Variants in APP observed in about 807,000 individuals in gnomAD.
The protein encoded by APP is amyloid-beta precursor protein.
APP carries 31 observed loss-of-function variants against 101.4 expected under a neutral mutation model. The ratio of observed to expected loss-of-function variants is 0.31; its 90% CI spans 0.23 to 0.41. The LOEUF is 0.41. APP is among the 10% of genes least tolerant of loss of function. APP has a pLI of 1.00. For missense variants in APP, 839 were observed against 1,003.7 expected (o/e 0.84, Z 2.22); for synonymous variants, 366 against 364.4 (o/e 1.00, Z -0.05).
chr21:26,044,142 T>G (rs969970485), intron 5 of APP, among the ~76,000 whole-genome samples: 1 of 152,228 alleles, frequency 6.6e-6, no homozygotes, highest in Non-Finnish European at 1.5e-5. Context: ...CTGCATCATC[T>G]TTCAAGATGG....
At chr21:25,900,097 CACTT>C (rs1377423244) in intron 15 of APP, among the ~76,000 whole-genome samples, 1 of 152,080 alleles carries the variant, frequency 6.6e-6, no homozygotes, top group African/African-American at 2.4e-5. Flanking sequence ...ACCTTTCTGA[CACTT>C]ATTTTTATAG....
intron 1 of APP, among the ~76,000 whole-genome samples, chr21:26,123,203 T>C (rs780306527): frequency 2.6e-4 from 39 of 152,204 alleles, no homozygotes; most frequent in Non-Finnish European, 5.3e-4. Context: ...GTTTATTTCC[T>C]TTCAAAGTGT....
chr21:25,955,071 A>G (rs2041257505), intron 12 of APP, among the ~76,000 whole-genome samples: 1 of 151,928 alleles, frequency 6.6e-6, no homozygotes, highest in East Asian at 1.9e-4. Context: ...TCATGCCTAA[A>G]TACATTTCTT....
intron 1 of APP, among the ~76,000 whole-genome samples, chr21:26,158,671 C>A (rs905241567): frequency 6.6e-6 from 1 of 152,140 alleles, no homozygotes; most frequent in Non-Finnish European, 1.5e-5. Context: ...TCATTAAGGG[C>A]ATCCAAAATT....
chr21:26,053,975 T>A (rs557710284), intron 3 of APP, among the ~76,000 whole-genome samples: 4 of 152,316 alleles, frequency 2.6e-5, no homozygotes, highest in Admixed American at 6.5e-5. Context: ...ATTGAAGATA[T>A]AAAGATATTA....
At chr21:26,158,767 G>A (rs1262001467) in intron 1 of APP, among the ~76,000 whole-genome samples, 2 of 151,934 alleles carry the variant, frequency 1.3e-5, no homozygotes, top group African/African-American at 4.8e-5. Flanking sequence ...TTTCTGTCTG[G>A]GAAGCCCTCC....
At chr21:26,018,547 T>C (rs1460434924) in intron 6 of APP, among the ~76,000 whole-genome samples, 1 of 152,192 alleles carries the variant, frequency 6.6e-6, no homozygotes, top group Non-Finnish European at 1.5e-5. Context: ...AACATCTACT[T>C]CTTTACTGGA....
At chr21:25,947,953 C>T (rs145790025) in intron 13 of APP, among the ~76,000 whole-genome samples, 102 of 137,940 alleles carry the variant, frequency 7.4e-4, no homozygotes, top group African/African-American at 2.8e-3. Flanking sequence ...TGCAGTGAGC[C>T]GAGATCACGC....
chr21:26,081,220 C>T (rs1339820966), intron 3 of APP, among the ~76,000 whole-genome samples: 2 of 152,164 alleles, frequency 1.3e-5, no homozygotes, highest in African/African-American at 4.8e-5. Context: ...TTTCTTTACC[C>T]ACATCTTCTT....
At chr21:25,883,778 T>C (rs2037147098) in intron 17 of APP, among the ~76,000 whole-genome samples, 3 of 152,236 alleles carry the variant, frequency 2.0e-5, no homozygotes, top group Admixed American at 2.0e-4. Flanking sequence ...CATGAAGTGA[T>C]TGACTCTTTT....
intron 17 of APP, 95 bp downstream of exon 17, chr21:25,891,626 TA>T (rs1410047501): frequency 1.6e-6 from 2 of 1,279,796 alleles, no homozygotes; most frequent in East Asian, 2.3e-5. Flanking sequence ...ATTCGTTTTT[TA>T]AAAGAGATAC....
At chr21:25,963,856 C>T (rs534907077) in intron 11 of APP, among the ~76,000 whole-genome samples, 8 of 152,254 alleles carry the variant, frequency 5.3e-5, no homozygotes, top group African/African-American at 1.9e-4. Flanking sequence ...AATTTATCCA[C>T]CTTCCTTTCT....
At chr21:26,115,892 T>C (rs554665722) in intron 1 of APP, among the ~76,000 whole-genome samples, 11 of 152,216 alleles carry the variant, frequency 7.2e-5, no homozygotes, top group Non-Finnish European at 1.3e-4. Flanking sequence ...ATATAACCAC[T>C]TAACTACTAC....
chr21:25,882,171 G>A (rs571433640), intron 17 of APP, among the ~76,000 whole-genome samples: 1 of 151,980 alleles, frequency 6.6e-6, no homozygotes, highest in South Asian at 2.1e-4. Flanking sequence ...AACCACAAGA[G>A]TATCATGGAG....
At chr21:26,137,678 T>C (rs534633629) in intron 1 of APP, among the ~76,000 whole-genome samples, 1 of 152,116 alleles carries the variant, frequency 6.6e-6, no homozygotes, top group East Asian at 1.9e-4. Context: ...ATTTAGAAAC[T>C]CCAGATAGAA....
intron 17 of APP, among the ~76,000 whole-genome samples, chr21:25,888,755 C>T (rs1024021202): frequency 6.9e-6 from 1 of 144,214 alleles, no homozygotes; most frequent in African/African-American, 2.6e-5. Context: ...CAATGAGACA[C>T]TGCTTGGTAA....
At chr21:25,891,962 G>T in intron 16 of APP, 94 bp from the exon 17 acceptor site, 2 of 1,317,432 alleles carry the variant, frequency 1.5e-6, no homozygotes, top group Non-Finnish European at 2.1e-6. Context: ...TTTCTTAAAT[G>T]CAGGGGACAT....
chr21:26,103,582 T>C lies in APP; in HGVS notation c.225+8397A>G, dbSNP rs2062112832. On this transcript the variant is annotated intron_variant, in intron 2 of 17. Coordinates refer to ENST00000346798, the MANE Select transcript of APP (RefSeq NM_000484.4). ...TGCCACTGCACTCCAGCCTGGGCGA[T>C]GGAGTGAGATCCCGTCAAAAAAAAG... Among the ~76,000 whole-genome samples, 4 of 152,096 alleles carry C rather than the reference T, an allele frequency of 2.6e-5. No individual in the cohort carries two copies. The South Asian group carries it at 8.3e-4, about 32-fold the overall frequency.
chr21:25,946,014 C>T (rs1320666694), intron 13 of APP: 4 of 413,672 alleles, frequency 9.7e-6, no homozygotes, highest in Non-Finnish European at 4.9e-6. Flanking sequence ...GGTGCTGGGA[C>T]ACTGGATATT....
Sources: allele counts gnomAD v4.1 joint callset (sites outside exome capture counted in the v4.1 genomes callset), GRCh38; gene constraint gnomAD v4.1.1; transcripts MANE v1.5; gene names NCBI Gene and HGNC (gene_info 2026-07-23, HGNC 2026-07-21).